NPAS3: variants seen among roughly 807,000 people sequenced by gnomAD.
NPAS3 encodes neuronal PAS domain-containing protein 3.
In NPAS3, 14 loss-of-function variants were observed where a neutral mutation model predicts 73.1. That is an observed-to-expected ratio of 0.19 (90% confidence interval 0.13 to 0.30). NPAS3 has a LOEUF of 0.30. Among genes scored for constraint, NPAS3 ranks in the 10% least tolerant of loss-of-function variants. The pLI, the probability that NPAS3 is intolerant of heterozygous loss-of-function variation, is 1.00. For missense variants in NPAS3, 1,096 were observed against 1,250.0 expected (o/e 0.88, Z 1.86); for synonymous variants, 620 against 541.5 (o/e 1.14, Z -2.01).
intron 7 of NPAS3, among the ~76,000 whole-genome samples, chr14:33,750,149 C>T (rs2061918770): frequency 6.6e-6 from 1 of 151,654 alleles, no homozygotes; most frequent in Non-Finnish European, 1.5e-5. Flanking sequence ...TTCAAAGTAC[C>T]AAACAGTGAG....
At chr14:33,572,884 G>A (rs1349945669) in intron 5 of NPAS3, among the ~76,000 whole-genome samples, 1 of 151,942 alleles carries the variant, frequency 6.6e-6, no homozygotes, top group Non-Finnish European at 1.5e-5. Context: ...TTAGCCAGGT[G>A]TGGTGGCGGG....
At chr14:33,526,692 A>G (rs2140142851) in intron 4 of NPAS3, among the ~76,000 whole-genome samples, 1 of 152,062 alleles carries the variant, frequency 6.6e-6, no homozygotes, top group African/African-American at 2.4e-5. Context: ...TATAGGAAAT[A>G]GCTTCATTTC....
chr14:33,056,015 G>A (rs764367307), intron 2 of NPAS3, 21 bp downstream of exon 2: 2 of 805,346 alleles, frequency 2.5e-6, no homozygotes, highest in South Asian at 2.9e-5. Flanking sequence ...ATCTTTGTGA[G>A]TCTTCCTTCT....
At chr14:32,995,416 C>T (rs2139513660) in intron 1 of NPAS3, among the ~76,000 whole-genome samples, 1 of 152,314 alleles carries the variant, frequency 6.6e-6, no homozygotes, top group Non-Finnish European at 1.5e-5. Flanking sequence ...GCCCTCTCAT[C>T]TTTCTTCCAG....
chr14:33,195,894 G>A (rs189149361), intron 2 of NPAS3, among the ~76,000 whole-genome samples: 28 of 152,298 alleles, frequency 1.8e-4, no homozygotes, highest in Admixed American at 5.2e-4. Context: ...CTCTAAAACT[G>A]TAGGTAAATG....
chr14:33,067,068 G>C (rs1393937487), intron 2 of NPAS3, among the ~76,000 whole-genome samples: 2 of 152,198 alleles, frequency 1.3e-5, no homozygotes, highest in African/African-American at 4.8e-5. Context: ...ACATTGCTCA[G>C]TTCACACAGC....
At chr14:32,938,543 T>C (rs570560906), upstream of NPAS3, among the ~76,000 whole-genome samples, 698 of 84,810 alleles carry the variant, frequency 8.2e-3, 6 homozygotes, top group Middle Eastern at 0.019. Context: ...GAGGTGTGTG[T>C]CTGCGTACGA....
chr14:33,244,669 G>T (rs2139847915), intron 3 of NPAS3, among the ~76,000 whole-genome samples: 1 of 152,300 alleles, frequency 6.6e-6, no homozygotes, highest in African/African-American at 2.4e-5. Flanking sequence ...AAGTGGTACA[G>T]TCAGTATTAT....
rs1019865048 is a variant in NPAS3, at chr14:33,735,591, C to T, written c.852+259C>T. Among the ~76,000 whole-genome samples the T allele has an allele frequency of 2.0e-5, 3 of 152,094 alleles. No homozygotes were observed. The South Asian group carries it at 6.2e-4, about 32-fold the overall frequency. On this transcript the variant is annotated intron_variant, in intron 7 of 11. Transcript: ENST00000356141. ...TTGATTAAAAATATGCCAAGTGCTT[C>T]AGCACCTGCTGGAAATTCACTTTAA...
At chr14:33,250,085 A>G (rs867051227) in intron 3 of NPAS3, among the ~76,000 whole-genome samples, 1 of 152,174 alleles carries the variant, frequency 6.6e-6, no homozygotes, top group Non-Finnish European at 1.5e-5. Flanking sequence ...TTTACTTTAC[A>G]GGAACTTTGC....
chr14:33,675,298 G>A (rs1019873415), intron 5 of NPAS3, among the ~76,000 whole-genome samples: 2 of 152,278 alleles, frequency 1.3e-5, no homozygotes, highest in Admixed American at 1.3e-4. Flanking sequence ...ACAGAGGTAA[G>A]GCCAGTCCTT....
At chr14:33,449,162 T>G (rs1429304696) in intron 4 of NPAS3, among the ~76,000 whole-genome samples, 2 of 151,978 alleles carry the variant, frequency 1.3e-5, no homozygotes, top group Non-Finnish European at 2.9e-5. Flanking sequence ...CTGGACAGAG[T>G]GCACATTCAC....
chr14:33,090,063 A>G (rs540380380), intron 2 of NPAS3, among the ~76,000 whole-genome samples: 1 of 152,236 alleles, frequency 6.6e-6, no homozygotes, highest in Non-Finnish European at 1.5e-5. Flanking sequence ...TGTAAAGACC[A>G]TCGATGCTAG....
chr14:32,942,012 C>G (rs1210087096), intron 1 of NPAS3, among the ~76,000 whole-genome samples: 3 of 152,212 alleles, frequency 2.0e-5, no homozygotes, highest in Admixed American at 6.5e-5. Context: ...GTTTTTCATA[C>G]TTGCTTCAAG....
At chr14:33,485,805 C>T (rs969994292) in intron 4 of NPAS3, among the ~76,000 whole-genome samples, 2 of 152,074 alleles carry the variant, frequency 1.3e-5, no homozygotes, top group Admixed American at 1.3e-4. Flanking sequence ...CACGTTAGAA[C>T]TTACCCACAT....
exon 12 of NPAS3, chr14:33,801,056 G>A (rs1384568593): frequency 4.4e-6 from 7 of 1,594,616 alleles, no homozygotes; most frequent in Non-Finnish European, 6.0e-6. Flanking sequence ...GCCCTTCCCC[G>A]TCTACAGCAA....
rs17100689 is a variant in NPAS3, at chr14:33,340,828, G to T, written c.386-26358G>T. Among the ~76,000 whole-genome samples the T allele has an allele frequency of 0.01, 1,545 of 152,192 alleles. 129 individuals are homozygous for T. In the East Asian group the frequency reaches 0.21, roughly 20 times the overall value. ...CTGTTAGTTCAAGGTGCTTGCGAAA[G>T]AAATCTAAAAATAGAGCAAAAAGGA... On this transcript the variant is annotated intron_variant, in intron 3 of 11. Transcript: ENST00000356141.
intron 6 of NPAS3, among the ~76,000 whole-genome samples, chr14:33,726,393 T>C (rs2061265144): frequency 6.6e-6 from 1 of 152,212 alleles, no homozygotes; most frequent in Admixed American, 6.5e-5. Flanking sequence ...AATTTCATAG[T>C]CACTGCTGCA....
intron 2 of NPAS3, among the ~76,000 whole-genome samples, chr14:33,151,893 G>T (rs1257223076): frequency 1.3e-5 from 2 of 152,052 alleles, no homozygotes; most frequent in African/African-American, 4.8e-5. Flanking sequence ...TACTCCTTTG[G>T]TACCCTTCCA....
Sources: gnomAD v4.1 joint callset for allele counts (sites outside exome capture counted in the v4.1 genomes callset) on GRCh38, gnomAD v4.1.1 for gene constraint, MANE v1.5 for transcripts, NCBI Gene and HGNC (gene_info 2026-07-23, HGNC 2026-07-21) for gene names.